The following GPRIN3 variants were observed in gnomAD, a reference collection of about 807,000 sequenced individuals.
GPRIN3 encodes the protein GPRIN family member 3.
Under a neutral mutation model 13.7 loss-of-function variants are expected in GPRIN3, and 12 were observed. That is an observed-to-expected ratio of 0.87 (90% CI 0.56 to 1.42). The LOEUF (loss-of-function observed/expected upper bound fraction) is 1.42, where lower values mean the gene tolerates loss of function less well. GPRIN3 is among the 40% of genes most tolerant of loss of function. The pLI is 0.00. For missense variants in GPRIN3, 1,009 were observed against 958.7 expected (o/e 1.05, Z -0.69); for synonymous variants, 377 against 372.7 (o/e 1.01, Z -0.13).
At chr4:89,255,084 GAGT>G in intron 1 of GPRIN3, among the ~76,000 whole-genome samples, 1 of 152,260 alleles carries the variant, frequency 6.6e-6, no homozygotes, top group Admixed American at 6.5e-5. Context: ...CTTGCTCTAA[GAGT>G]ACTGACAGTA....
intron 1 of GPRIN3, among the ~76,000 whole-genome samples, chr4:89,292,961 A>T (rs1474761647): frequency 2.0e-5 from 3 of 152,200 alleles, no homozygotes; most frequent in African/African-American, 7.2e-5. Flanking sequence ...ATATTGTAGG[A>T]TGATGCATAC....
At chr4:89,267,931 A>G (rs1456757690) in intron 1 of GPRIN3, among the ~76,000 whole-genome samples, 3 of 152,174 alleles carry the variant, frequency 2.0e-5, no homozygotes, top group Non-Finnish European at 4.4e-5. Context: ...AACATTTATC[A>G]TCTAGTACAC....
intron 1 of GPRIN3, among the ~76,000 whole-genome samples, chr4:89,301,969 A>T (rs1724909076): frequency 6.6e-6 from 1 of 152,162 alleles, no homozygotes; most frequent in African/African-American, 2.4e-5. Context: ...TGACTAAACC[A>T]ATCTTCTAGA....
chr4:89,248,128 T>A lies in GPRIN3; in HGVS notation c.1983A>T (p.Gly661=). 4 of 1,614,122 alleles carry A rather than the reference T, an allele frequency of 2.5e-6. No individual in the cohort carries two copies. The highest frequency in any genetic ancestry group is 1.3e-5 in the African/African-American group (1 of 75,018). ...CTGCGCCAAGCTGCTTTTTCTTATC[T>A]CCTGGAGTGAGTCCTACCTGAGCAG... ...AAAAQVGLTP[G]DKKKQLGADS... The change falls in exon 2 of 2, where the codon GGA becomes GGT. Residue 661 remains glycine (G), a synonymous_variant. Transcript: ENST00000609438.
At chr4:89,290,212 C>G (rs1006082153) in intron 1 of GPRIN3, among the ~76,000 whole-genome samples, 4 of 151,902 alleles carry the variant, frequency 2.6e-5, no homozygotes, top group Non-Finnish European at 5.9e-5. Flanking sequence ...TCAACCCATC[C>G]TCTTGCGTAG....
chr4:89,307,590 G>A (rs1725070774), intron 1 of GPRIN3, 25 bp downstream of exon 1: 1 of 152,028 alleles, frequency 6.6e-6, no homozygotes, highest in Non-Finnish European at 1.5e-5. Context: ...CCGCCAGGCG[G>A]AGGTGCGCAG....
intron 1 of GPRIN3, among the ~76,000 whole-genome samples, chr4:89,292,876 T>A (rs1195719497): frequency 1.3e-5 from 2 of 152,212 alleles, no homozygotes; most frequent in Non-Finnish European, 1.5e-5. Context: ...AAATAGAGAT[T>A]AGAATCTATT....
At chr4:89,285,394 T>C (rs1237797182) in intron 1 of GPRIN3, among the ~76,000 whole-genome samples, 4 of 151,972 alleles carry the variant, frequency 2.6e-5, no homozygotes, top group Non-Finnish European at 4.4e-5. Flanking sequence ...CTTTATGAGA[T>C]TGATTTGAGT....
At chr4:89,291,668 CTTAGCTAA>C (rs1272106274) in intron 1 of GPRIN3, among the ~76,000 whole-genome samples, 160 of 152,220 alleles carry the variant, frequency 1.1e-3, no homozygotes, top group Non-Finnish European at 1.7e-3. Flanking sequence ...TTTCTCATCA[CTTAGCTAA>C]ATAGGAGTGG....
intron 1 of GPRIN3, among the ~76,000 whole-genome samples, chr4:89,278,320 A>G (rs921343106): frequency 6.6e-6 from 1 of 152,188 alleles, no homozygotes; most frequent in Non-Finnish European, 1.5e-5. Context: ...TTCTGTAAAA[A>G]CATGCCATTA....
rs534946570 is a variant in GPRIN3 at position 89,302,014 on chromosome 4, A to G, written c.-124+5601T>C. 2.0e-5 allele frequency among the ~76,000 whole-genome samples: 3 copies of G among 152,190 alleles called. No homozygotes were observed. The South Asian group carries it at 6.2e-4, about 32-fold the overall frequency. On this transcript the variant is annotated intron_variant, in intron 1 of 1. Coordinates refer to ENST00000609438, the MANE Select transcript of GPRIN3 (RefSeq NM_198281.3). ...GTATCCACGCTATTTAGGATCCAAG[A>G]ATTAAAAATTTTAAATGGAATCTGG...
rs963445810 is a variant in GPRIN3 at position 89,248,234 on chromosome 4, C to T, written c.1877G>A (p.Arg626His). ...SPGSGKKTPS[R>H]SVKASPRRPS... ...CCTGCGTGGGCTGGCTTTGACGGAG[C>T]GAGATGGGGTCTTCTTGCCAGAACC... Residue 626 changes from arginine (R) to histidine (H), a missense_variant, in exon 2 of 2, where the codon CGC becomes CAC. Transcript: ENST00000609438. 2 of 1,614,052 alleles carry T rather than the reference C, an allele frequency of 1.2e-6. No individual in the cohort carries two copies. The highest frequency in any genetic ancestry group is 1.7e-6 in the Non-Finnish European group (2 of 1,180,014).
At chr4:89,291,660 T>C (rs1254353265) in intron 1 of GPRIN3, among the ~76,000 whole-genome samples, 1 of 152,144 alleles carries the variant, frequency 6.6e-6, no homozygotes, top group Non-Finnish European at 1.5e-5. Context: ...TCATAGGTTT[T>C]CTCATCACTT....
intron 1 of GPRIN3, among the ~76,000 whole-genome samples, chr4:89,302,938 A>C (rs1334104450): frequency 1.3e-5 from 2 of 152,164 alleles, no homozygotes. Context: ...TCTCTGACTT[A>C]ACTGGCCCTG....
At chr4:89,269,111 G>T (rs1723858148) in intron 1 of GPRIN3, among the ~76,000 whole-genome samples, 1 of 152,118 alleles carries the variant, frequency 6.6e-6, no homozygotes, top group Non-Finnish European at 1.5e-5. Context: ...ATATTTCTAG[G>T]TTAGTCATTG....
chr4:89,305,664 G>A (rs1018457512), intron 1 of GPRIN3, among the ~76,000 whole-genome samples: 1 of 152,358 alleles, frequency 6.6e-6, no homozygotes, highest in Admixed American at 6.5e-5. Context: ...TTTGCAACTG[G>A]AAATTCAAAC....
At chr4:89,256,962 G>A (rs1723482562) in intron 1 of GPRIN3, among the ~76,000 whole-genome samples, 1 of 152,196 alleles carries the variant, frequency 6.6e-6, no homozygotes, top group Admixed American at 6.5e-5. Context: ...AGAGTTTGAA[G>A]GAGAAGTGAT....
rs1373197992 is a variant in GPRIN3, at chr4:89,243,949, A to C, written c.*3831T>G. 1 of 152,226 alleles carries C rather than the reference A, an allele frequency of 6.6e-6. No homozygotes were observed. Among genetic ancestry groups the C allele is most frequent in the Non-Finnish European group, 1.5e-5 (1 of 68,028 alleles). 9.4% of individuals were successfully genotyped at this position (152,226 alleles called of 1,614,324 possible). On this transcript the variant is annotated 3_prime_UTR_variant, in exon 2 of 2. Transcript: ENST00000609438. ...GAGGAAGAGAAGACACACATTTCAC[A>C]CATTTTGGCAGCAAAACAGTAACAA... is the stretch of plus-strand genomic sequence containing the variant.
At chr4:89,294,906 A>T (rs1724691109) in intron 1 of GPRIN3, among the ~76,000 whole-genome samples, 1 of 152,236 alleles carries the variant, frequency 6.6e-6, no homozygotes, top group Admixed American at 6.5e-5. Context: ...CAAATTCCCA[A>T]GGAAAAATAA....
Sources: allele counts gnomAD v4.1 joint callset (sites outside exome capture counted in the v4.1 genomes callset), GRCh38; gene constraint gnomAD v4.1.1; transcripts MANE v1.5; gene names NCBI Gene and HGNC (gene_info 2026-07-23, HGNC 2026-07-21).